TRIP12: variants seen among roughly 807,000 people sequenced by gnomAD.
TRIP12 encodes thyroid hormone receptor interactor 12.
A neutral mutation model predicts 244.2 loss-of-function variants in TRIP12; 25 were observed. The observed-to-expected ratio is 0.10, with a 90% confidence interval of 0.07 to 0.14. TRIP12 has a LOEUF of 0.14. Among genes scored for constraint, TRIP12 ranks in the 10% least tolerant of loss-of-function variants. The pLI, the probability that TRIP12 is intolerant of heterozygous loss-of-function variation, is 1.00. For synonymous variants in TRIP12, 905 were observed against 873.1 expected (o/e 1.04, Z -0.64); for missense variants, 1,677 against 2,486.4 (o/e 0.67, Z 6.92).
intron 12 of TRIP12, 39 bp downstream of exon 12, chr2:229,814,194 A>G (rs1299984732): frequency 1.2e-6 from 2 of 1,601,770 alleles, no homozygotes; most frequent in Non-Finnish European, 1.7e-6. Flanking sequence ...AAAATTCTAC[A>G]TAAAGTGAAA....
At chr2:229,785,703 T>C in intron 34 of TRIP12, 54 bp downstream of exon 34, 1 of 1,514,632 alleles carries the variant, frequency 6.6e-7, no homozygotes, top group Non-Finnish European at 9.0e-7. Context: ...TCAAATAACA[T>C]TTAATTAAGA....
chr2:229,776,342 C>T (rs1449771320), intron 37 of TRIP12, among the ~76,000 whole-genome samples: 1 of 151,988 alleles, frequency 6.6e-6, no homozygotes, highest in Non-Finnish European at 1.5e-5. Context: ...TAAAACTTAC[C>T]AAGTTGTGAA....
At chr2:229,815,694 CT>C (rs529097153) in intron 9 of TRIP12, among the ~76,000 whole-genome samples, 113 of 150,510 alleles carry the variant, frequency 7.5e-4, no homozygotes, top group African/African-American at 2.8e-3. Flanking sequence ...CAGCAATGCA[CT>C]GACATTTGTT....
intron 1 of TRIP12, among the ~76,000 whole-genome samples, chr2:229,913,253 A>G (rs1175257585): frequency 6.6e-6 from 1 of 152,214 alleles, no homozygotes; most frequent in Non-Finnish European, 1.5e-5. Flanking sequence ...GATTTTCTAA[A>G]TGCAGAAAAT....
chr2:229,790,806 CCTTCAGTCT>C (rs2041325048), intron 30 of TRIP12, among the ~76,000 whole-genome samples: 1 of 152,188 alleles, frequency 6.6e-6, no homozygotes, highest in South Asian at 2.1e-4. Context: ...ATTATCACTA[CCTTCAGTCT>C]CTTGTTTAGT....
chr2:229,886,466 A>G (rs1218662922), intron 1 of TRIP12, among the ~76,000 whole-genome samples: 2 of 144,678 alleles, frequency 1.4e-5, no homozygotes, highest in African/African-American at 5.0e-5. Context: ...TAAAAATAGC[A>G]TTTTTTTTTT....
chr2:229,808,331 A>C lies in TRIP12; in HGVS notation c.2260T>G (p.Ser754Ala), dbSNP rs751183550. The C allele has an allele frequency of 6.2e-7, 1 of 1,613,732 alleles. No homozygotes were observed. The highest frequency in any genetic ancestry group is 8.5e-7 in the Non-Finnish European group (1 of 1,180,016). Residue 754 changes from serine to alanine, a missense_variant, in exon 16 of 42, where the codon TCC (serine) becomes GCC (alanine). Transcript: ENST00000675903. ...ETLHFLLCGASNGSCQEQIDL... is the reference protein window; with the variant it reads ...ETLHFLLCGAANGSCQEQIDL... ...ATCTGTTCCTGACAACTTCCATTGG[A>C]GGCACCACACAGGAGAAAGTGAAGC... is the stretch of plus-strand genomic sequence containing the variant.
intron 2 of TRIP12, among the ~76,000 whole-genome samples, chr2:229,876,741 G>A (rs1030125460): frequency 3.3e-5 from 5 of 152,156 alleles, no homozygotes; most frequent in African/African-American, 1.2e-4. Flanking sequence ...ATAGTTCACT[G>A]AAACCTTGAA....
chr2:229,894,436 GT>G (rs1444316134), intron 1 of TRIP12: 1 of 151,992 alleles, frequency 6.6e-6, no homozygotes, highest in Non-Finnish European at 1.5e-5. Flanking sequence ...ATTTAATATT[GT>G]TTTTAAAGGC....
intron 1 of TRIP12, among the ~76,000 whole-genome samples, chr2:229,889,068 G>C (rs1576697554): frequency 6.6e-6 from 1 of 152,296 alleles, no homozygotes; most frequent in Middle Eastern, 3.4e-3. Context: ...TGAAAGAAAA[G>C]GTTGGGAATA....
At chr2:229,872,648 TA>T (rs548579009) in intron 2 of TRIP12, among the ~76,000 whole-genome samples, 1 of 152,222 alleles carries the variant, frequency 6.6e-6, no homozygotes, top group South Asian at 2.1e-4. Context: ...ATTCTATCCT[TA>T]AAAAGAAAGA....
In TRIP12 at chr2:229,788,496, G is replaced by C. The variant is rs73099250; in HGVS notation, c.4838+302C>G. 4.4e-3 allele frequency among the ~76,000 whole-genome samples: 673 copies of C among 152,310 alleles called. 6 individuals carry two copies. The highest frequency in any genetic ancestry group is 0.016 in the African/African-American group (652 of 41,560). ...AGTCCCTGACCCAAGCAGGCTCAGA[G>C]AATCAAGCAACTACACCTTTGGAAT... is the stretch of plus-strand genomic sequence containing the variant. On this transcript the variant is annotated intron_variant, in intron 32 of 41. Coordinates refer to ENST00000675903, the MANE Select transcript of TRIP12 (RefSeq NM_001348323.3).
intron 4 of TRIP12, among the ~76,000 whole-genome samples, chr2:229,857,637 C>CA (rs57882382): frequency 0.27 from 38,412 of 140,364 alleles, 6,044 homozygotes; most frequent in Middle Eastern, 0.44. Context: ...GACTCTGTCT[C>CA]AAAAAAAAAA....
At chr2:229,885,445 A>T (rs958751842) in intron 1 of TRIP12, among the ~76,000 whole-genome samples, 1 of 152,204 alleles carries the variant, frequency 6.6e-6, no homozygotes, top group Admixed American at 6.5e-5. Flanking sequence ...CAAAATTAGT[A>T]CCCTGCATGA....
intron 39 of TRIP12, among the ~76,000 whole-genome samples, chr2:229,769,997 G>C (rs185817849): frequency 1.1e-4 from 17 of 152,256 alleles, no homozygotes; most frequent in African/African-American, 4.1e-4. Context: ...TAAAGACAAA[G>C]CTTTGCTCTG....
chr2:229,922,403 C>T, upstream of TRIP12: 1 of 1,019,234 alleles, frequency 9.8e-7, no homozygotes, highest in Non-Finnish European at 1.5e-6. Flanking sequence ...GTTAGAAATC[C>T]TTCTGCCAGC....
At chr2:229,779,953 A>G (rs773179831) in intron 34 of TRIP12, among the ~76,000 whole-genome samples, 1 of 152,148 alleles carries the variant, frequency 6.6e-6, no homozygotes, top group Non-Finnish European at 1.5e-5. Context: ...TTCATATCAC[A>G]GGTTATACTC....
At chr2:229,817,914 T>A (rs1198871247) in intron 9 of TRIP12, among the ~76,000 whole-genome samples, 1 of 152,134 alleles carries the variant, frequency 6.6e-6, no homozygotes, top group African/African-American at 2.4e-5. Context: ...GCTTTTAAAC[T>A]GAAAGGATCC....
upstream of TRIP12, chr2:229,922,511 A>G: frequency 6.2e-7 from 1 of 1,613,904 alleles, no homozygotes; most frequent in Non-Finnish European, 8.5e-7. Context: ...GTGGCGTCCC[A>G]AGATGGCGTC....
Sources: gnomAD v4.1 joint callset for allele counts (sites outside exome capture counted in the v4.1 genomes callset) on GRCh38, gnomAD v4.1.1 for gene constraint, MANE v1.5 for transcripts, NCBI Gene and HGNC (gene_info 2026-07-23, HGNC 2026-07-21) for gene names.